Variants in EYS observed in about 807,000 individuals in gnomAD.
The protein encoded by EYS is protein eyes shut homolog.
Under a neutral mutation model 282.1 loss-of-function variants are expected in EYS, and 250 were observed. That is an observed-to-expected ratio of 0.89 (90% CI 0.80 to 0.98). EYS has a LOEUF of 0.98. EYS is among the 50% of genes least tolerant of loss of function. The probability of loss-of-function intolerance (pLI) is 0.00; values close to 1 mark genes in which losing one functional copy is unlikely to be tolerated. For missense variants in EYS, 4,016 were observed against 3,709.0 expected (o/e 1.08, Z -2.15); for synonymous variants, 1,355 against 1,282.9 (o/e 1.06, Z -1.20).
At chr6:65,279,129 C>T (rs1030785234) in intron 12 of EYS, among the ~76,000 whole-genome samples, 15 of 151,900 alleles carry the variant, frequency 9.9e-5, no homozygotes, top group African/African-American at 3.6e-4. Context: ...TGGAGGTTGA[C>T]AATGAGCCAA....
At chr6:64,970,808 C>T (rs922453551) in intron 14 of EYS, among the ~76,000 whole-genome samples, 1 of 152,020 alleles carries the variant, frequency 6.6e-6, no homozygotes, top group Non-Finnish European at 1.5e-5. Context: ...TTGATATGTA[C>T]CATAGAATGA....
At chr6:65,353,929 T>C (rs1484134437) in intron 8 of EYS, among the ~76,000 whole-genome samples, 2 of 152,020 alleles carry the variant, frequency 1.3e-5, no homozygotes, top group Non-Finnish European at 2.9e-5. Flanking sequence ...AAAATACCTA[T>C]GGTATAAATT....
intron 22 of EYS, among the ~76,000 whole-genome samples, chr6:64,679,003 T>C (rs951095127): frequency 6.6e-6 from 1 of 152,120 alleles, no homozygotes; most frequent in African/African-American, 2.4e-5. Flanking sequence ...AAAAACACTT[T>C]GATTTTTTAA....
At chr6:65,660,073 G>A (rs910204651) in intron 1 of EYS, among the ~76,000 whole-genome samples, 1 of 147,988 alleles carries the variant, frequency 6.8e-6, no homozygotes, top group Admixed American at 6.8e-5. Context: ...GAAGATAAGG[G>A]GCTGCTTATT....
At chr6:63,910,521 C>T (rs1222190432) in intron 35 of EYS, among the ~76,000 whole-genome samples, 4 of 152,054 alleles carry the variant, frequency 2.6e-5, no homozygotes, top group Non-Finnish European at 5.9e-5. Flanking sequence ...CCAAATGGCC[C>T]CTAGTTGTCT....
At chr6:65,352,417 A>G (rs1270844129) in intron 9 of EYS, among the ~76,000 whole-genome samples, 4 of 151,944 alleles carry the variant, frequency 2.6e-5, no homozygotes, top group Non-Finnish European at 4.4e-5. Flanking sequence ...AATGTAAATC[A>G]AATTTGCATC....
intron 5 of EYS, among the ~76,000 whole-genome samples, chr6:65,457,106 G>C (rs1231261473): frequency 6.6e-6 from 1 of 152,126 alleles, no homozygotes; most frequent in Non-Finnish European, 1.5e-5. Context: ...ATTAATTGCT[G>C]ATAGAAGACT....
intron 1 of EYS, among the ~76,000 whole-genome samples, chr6:65,655,646 T>C (rs1334764190): frequency 6.6e-6 from 1 of 151,824 alleles, no homozygotes; most frequent in Admixed American, 6.6e-5. Context: ...GCTGATGCTG[T>C]GTGTTTTTTT....
intron 42 of EYS, among the ~76,000 whole-genome samples, chr6:63,722,232 C>T (rs1055969781): frequency 6.6e-6 from 1 of 152,104 alleles, no homozygotes; most frequent in African/African-American, 2.4e-5. Flanking sequence ...CTCTTTACTT[C>T]AACAACACTG....
At chr6:65,008,841 C>T (rs1048572714) in intron 13 of EYS, among the ~76,000 whole-genome samples, 21 of 152,108 alleles carry the variant, frequency 1.4e-4, no homozygotes, top group South Asian at 6.2e-4. Flanking sequence ...GACACCGGTG[C>T]GGCCTTCTCA....
intron 37 of EYS, among the ~76,000 whole-genome samples, chr6:63,791,577 C>CAA (rs889736940): frequency 9.5e-4 from 50 of 52,672 alleles, no homozygotes; most frequent in African/African-American, 3.3e-3. Flanking sequence ...GACTCCCTCT[C>CAA]AAAAAAAAAA....
chr6:64,834,920 TGA>T (rs1477829952), intron 19 of EYS, among the ~76,000 whole-genome samples: 1 of 151,806 alleles, frequency 6.6e-6, no homozygotes, highest in African/African-American at 2.4e-5. Context: ...GTTGTACTAT[TGA>T]GAGACAGTCC....
At chr6:64,158,559 G>T (rs992893138) in intron 31 of EYS, among the ~76,000 whole-genome samples, 1 of 152,052 alleles carries the variant, frequency 6.6e-6, no homozygotes, top group Non-Finnish European at 1.5e-5. Context: ...CCCACTCTTT[G>T]CATAAAATCA....
chr6:64,779,126 C>T (rs1339383752), intron 22 of EYS, among the ~76,000 whole-genome samples: 1 of 152,108 alleles, frequency 6.6e-6, no homozygotes, highest in Non-Finnish European at 1.5e-5. Flanking sequence ...TATAATCCAG[C>T]AATTACACTC....
intron 30 of EYS, among the ~76,000 whole-genome samples, chr6:64,291,273 T>C (rs369220767): frequency 1.3e-5 from 2 of 152,148 alleles, no homozygotes; most frequent in South Asian, 4.2e-4. Context: ...AACATTATCA[T>C]GAATGCTATT....
intron 1 of EYS, among the ~76,000 whole-genome samples, chr6:65,665,720 T>C (rs79572324): frequency 6.6e-6 from 1 of 152,064 alleles, no homozygotes; most frequent in Non-Finnish European, 1.5e-5. Flanking sequence ...GTATGGAAGA[T>C]TTAGAGAATG....
intron 19 of EYS, among the ~76,000 whole-genome samples, chr6:64,830,469 AAAG>A (rs1765181302): frequency 6.6e-6 from 1 of 151,988 alleles, no homozygotes; most frequent in Non-Finnish European, 1.5e-5. Flanking sequence ...AACAAACAAA[AAAG>A]TCATAGCCTT....
At chr6:64,211,114 T>A (rs1243775797) in intron 31 of EYS, among the ~76,000 whole-genome samples, 2 of 152,148 alleles carry the variant, frequency 1.3e-5, no homozygotes, top group African/African-American at 4.8e-5. Context: ...TTATGAAACT[T>A]CTCAGCCTCC....
chr6:63,873,579 A>G lies in EYS; in HGVS notation c.7056-9221T>C, dbSNP rs1772877079. 1.3e-5 allele frequency among the ~76,000 whole-genome samples: 2 copies of G among 152,152 alleles called. 1 individual carries two copies. Among genetic ancestry groups the G allele is most frequent in the South Asian group, 4.1e-4 (2 of 4,830 alleles). ...TCTAGATCCTTGAGGAATCCCCCAC[A>G]CTGTCTTCCACAATGGTTGAACTAG... On this transcript the variant is annotated intron_variant, in intron 35 of 42. Transcript: ENST00000503581.
Sources: allele counts gnomAD v4.1 joint callset (sites outside exome capture counted in the v4.1 genomes callset), GRCh38; gene constraint gnomAD v4.1.1; transcripts MANE v1.5; gene names NCBI Gene and HGNC (gene_info 2026-07-23, HGNC 2026-07-21).